Variants in PDE8B observed in about 807,000 individuals in gnomAD.
The protein encoded by PDE8B is high affinity cAMP-specific and IBMX-insensitive 3',5'-cyclic phosphodiesterase 8B.
In PDE8B, 26 loss-of-function variants were observed where a neutral mutation model predicts 101.3. The ratio of observed to expected loss-of-function variants is 0.26; its 90% CI spans 0.19 to 0.36. The LOEUF (loss-of-function observed/expected upper bound fraction) is 0.36. Among genes scored for constraint, PDE8B ranks in the 10% least tolerant of loss-of-function variants. The pLI is 1.00. For missense variants in PDE8B, 810 were observed against 1,163.1 expected, an observed-to-expected ratio of 0.70 and a Z score of 4.42; for synonymous variants, 424 against 429.3, an observed-to-expected ratio of 0.99 and a Z score of 0.15.
the PDE8B span, among the ~76,000 whole-genome samples, chr5:77,159,756 C>G: frequency 3.3e-5 from 5 of 152,150 alleles, no homozygotes; most frequent in African/African-American, 1.2e-4. Context: ...CCCACACTGG[C>G]TAATGTGCTG....
intron 10 of PDE8B, among the ~76,000 whole-genome samples, chr5:77,387,661 G>C (rs560776142): frequency 3.3e-5 from 5 of 152,202 alleles, no homozygotes; most frequent in African/African-American, 1.2e-4. Flanking sequence ...ATAATATCCT[G>C]AAGAGTGTTT....
intron 10 of PDE8B, among the ~76,000 whole-genome samples, chr5:77,399,247 A>G (rs902925303): frequency 2.6e-5 from 4 of 152,272 alleles, no homozygotes; most frequent in Non-Finnish European, 5.9e-5. Context: ...AAGGAACAGT[A>G]GATAAAATAG....
intron 11 of PDE8B, among the ~76,000 whole-genome samples, chr5:77,400,720 C>T (rs1792084991): frequency 6.6e-6 from 1 of 152,146 alleles, no homozygotes. Context: ...GCCTGGGAGG[C>T]AGAAGCACCA....
At chr5:77,416,455 C>T (rs982932699) in intron 17 of PDE8B, among the ~76,000 whole-genome samples, 2 of 152,280 alleles carry the variant, frequency 1.3e-5, no homozygotes, top group East Asian at 1.9e-4. Flanking sequence ...GATCGCTGAA[C>T]GTGCCTGCAG....
At chr5:77,210,234 A>T (rs900965356), upstream of PDE8B, among the ~76,000 whole-genome samples, 1 of 151,928 alleles carries the variant, frequency 6.6e-6, no homozygotes, top group Non-Finnish European at 1.5e-5. This position sits in a 1 kb window ranked among gnomAD's most constrained non-coding sequence, Gnocchi z 4.9. Flanking sequence ...ATGAGTGCAG[A>T]AGAGACGAGG....
chr5:77,159,572 A>G, the PDE8B span, among the ~76,000 whole-genome samples: 39 of 152,186 alleles, frequency 2.6e-4, no homozygotes, highest in African/African-American at 8.9e-4. Flanking sequence ...TTAATATGTA[A>G]TCAACTCCCG....
the PDE8B span, among the ~76,000 whole-genome samples, chr5:77,095,142 T>C: frequency 0.23 from 35,401 of 152,130 alleles, 4,677 homozygotes; most frequent in Admixed American, 0.35. Flanking sequence ...AGAGAAATAC[T>C]CTCTCTGGTG....
chr5:77,331,605 A>C (rs1227662437), intron 5 of PDE8B, 146 bp downstream of exon 5: 2 of 747,786 alleles, frequency 2.7e-6, no homozygotes, highest in Non-Finnish European at 2.4e-6. Context: ...CTGTGTTCTC[A>C]TGGGAAAGTA....
At chr5:77,402,883 A>G (rs920193298) in intron 11 of PDE8B, among the ~76,000 whole-genome samples, 1 of 152,218 alleles carries the variant, frequency 6.6e-6, no homozygotes, top group Non-Finnish European at 1.5e-5. Context: ...TTCCTTAACT[A>G]CTAGGCTTCT....
At chr5:77,424,038 G>C (rs1797349247) in intron 20 of PDE8B, among the ~76,000 whole-genome samples, 1 of 152,204 alleles carries the variant, frequency 6.6e-6, no homozygotes, top group Non-Finnish European at 1.5e-5. Flanking sequence ...TCTGGGAAGA[G>C]AGCCTCTGAA....
chr5:77,407,191 G>A lies in PDE8B; in HGVS notation c.1289-190G>A, dbSNP rs76183063. Among the ~76,000 whole-genome samples, 1,149 of 152,294 alleles carry A rather than the reference G, an allele frequency of 7.5e-3. 8 individuals carry two copies. The highest frequency in any genetic ancestry group is 0.026 in the African/African-American group (1,089 of 41,556). The stretch of plus-strand genomic sequence containing the variant: ...TGCCTCCAAAGTTCCAGGCCAGATC[G>A]CCTTTCCAGACTCAGGCAAGTAGCA... On this transcript the variant is annotated intron_variant, in intron 12 of 21. Transcript: ENST00000264917.
At chr5:77,420,923 A>G (rs905790227) in intron 19 of PDE8B, among the ~76,000 whole-genome samples, 33 of 152,334 alleles carry the variant, frequency 2.2e-4, no homozygotes, top group Middle Eastern at 3.4e-3. Flanking sequence ...ATAGTCTAAT[A>G]AATAGGTCCA....
chr5:77,372,521 A>T (rs2150692950), intron 10 of PDE8B, among the ~76,000 whole-genome samples: 1 of 152,342 alleles, frequency 6.6e-6, no homozygotes, highest in Middle Eastern at 3.4e-3. Context: ...TAAATGTATG[A>T]TAGAATTCAC....
chr5:77,179,069 C>G, the PDE8B span, among the ~76,000 whole-genome samples: 1 of 152,174 alleles, frequency 6.6e-6, no homozygotes, highest in African/African-American at 2.4e-5. Flanking sequence ...AACACAAGGG[C>G]ATGGACACCA....
chr5:77,214,279 A>C (rs1396844951), intron 1 of PDE8B, among the ~76,000 whole-genome samples: 1 of 152,230 alleles, frequency 6.6e-6, no homozygotes, highest in Non-Finnish European at 1.5e-5. Context: ...ATCGTTATTG[A>C]CAATATCGTC....
intron 1 of PDE8B, among the ~76,000 whole-genome samples, chr5:77,284,133 T>C (rs937194045): frequency 2.6e-5 from 4 of 152,244 alleles, no homozygotes; most frequent in Non-Finnish European, 4.4e-5. Flanking sequence ...TCTTCTTTGG[T>C]GAGGTGTCTT....
At chr5:77,195,773 G>A in the PDE8B span, among the ~76,000 whole-genome samples, 1 of 152,092 alleles carries the variant, frequency 6.6e-6, no homozygotes, top group Non-Finnish European at 1.5e-5. Context: ...AAAATCATAA[G>A]GGAGGGAAAA....
At chr5:77,374,679 G>A (rs548449362) in intron 10 of PDE8B, among the ~76,000 whole-genome samples, 6 of 152,208 alleles carry the variant, frequency 3.9e-5, no homozygotes, top group Admixed American at 2.0e-4. Flanking sequence ...GTTCTCATAC[G>A]TTATAAATCC....
chr5:77,412,303 A>G (rs1794720176), intron 16 of PDE8B, 68 bp downstream of exon 16: 1 of 1,537,744 alleles, frequency 6.5e-7, no homozygotes, highest in Admixed American at 1.7e-5. Flanking sequence ...ACATTTGGAA[A>G]CTTTGAGGGA....
Sources: allele counts gnomAD v4.1 joint callset (sites outside exome capture counted in the v4.1 genomes callset), GRCh38; gene constraint gnomAD v4.1.1; non-coding constraint Gnocchi (gnomAD v3.1); transcripts MANE v1.5; gene names NCBI Gene and HGNC (gene_info 2026-07-23, HGNC 2026-07-21).